HSPA8: variants seen among roughly 807,000 people sequenced by gnomAD.
HSPA8 encodes the protein heat shock cognate 71 kDa protein.
In HSPA8, 2 loss-of-function variants were observed where a neutral mutation model predicts 52.8. The observed-to-expected ratio is 0.04, with a 90% CI of 0.02 to 0.12. The LOEUF (loss-of-function observed/expected upper bound fraction) is 0.12, where lower values mean the gene tolerates loss of function less well. Ranked by LOEUF, HSPA8 falls within the 10% of genes least tolerant of loss-of-function variation. The pLI is 1.00. For synonymous variants in HSPA8, 436 were observed against 274.0 expected, an observed-to-expected ratio of 1.59 and a Z score of -5.84; for missense variants, 349 against 800.5, an observed-to-expected ratio of 0.44 and a Z score of 6.81.
Position 123,060,635 on chromosome 11 carries a change from A to C in HSPA8, c.369T>G (p.Val123=), listed in dbSNP as rs1433837999. 6.2e-7 allele frequency: 1 copy of C among 1,613,830 alleles called. No homozygotes were observed. ...SFYPEEVSSM[V]LTKMKEIAEA... is the part of the protein sequence containing the mutation. ...CTGCAATTTCCTTCATCTTTGTCAG[A>C]ACCATAGAAGACACCTCCTCTGGAT... is the stretch of plus-strand genomic sequence containing the variant. The change falls in exon 3 of 9, where the codon GTT becomes GTG. Residue 123 remains valine (V), a synonymous_variant. Transcript: ENST00000534624.
chr11:123,060,920 G>A (rs1865478954), intron 2 of HSPA8, 122 bp from the exon 3 acceptor site: 8 of 964,610 alleles, frequency 8.3e-6, no homozygotes, highest in South Asian at 1.6e-5. Flanking sequence ...CATATAGGTA[G>A]CAAAGGTTCA....
upstream of HSPA8, chr11:123,062,409 G>A (rs1865542010): frequency 1.3e-5 from 2 of 152,436 alleles, no homozygotes; most frequent in South Asian, 4.1e-4. Flanking sequence ...GAAAGGGAGG[G>A]TGGGGCGCAG....
rs1455304305 is a variant in HSPA8, at chr11:123,058,503, C to A, written c.1523-19G>T. ...AAACGGCCTAGGAAAGAAATTAACTCTAAGTAAAAGCCTTAAATTACCTGT... is the reference window on the plus strand; with the variant it reads ...AAACGGCCTAGGAAAGAAATTAACTATAAGTAAAAGCCTTAAATTACCTGT... On this transcript the variant is annotated intron_variant, in intron 7 of 8. Coordinates refer to ENST00000534624, the MANE Select transcript of HSPA8 (RefSeq NM_006597.6). The A allele has an allele frequency of 2.5e-6, 4 of 1,609,294 alleles. No individual in the cohort carries two copies. The highest frequency in any genetic ancestry group is 3.4e-6 in the Non-Finnish European group (4 of 1,175,904).
Position 123,061,332 on chromosome 11 carries a change from GA to G in HSPA8, c.-5-4del. The G allele has an allele frequency of 6.2e-7, 1 of 1,603,260 alleles. No homozygotes were observed. On this transcript the variant is annotated splice_region_variant and splice_polypyrimidine_tract_variant and intron_variant, in intron 1 of 8. Transcript: ENST00000534624. ...TGCAGGTCCCTTGGACATGGTTGCT[GA>G]AAAAAAGAAAAATCTGGTTTAAAAA...
rs746344123 is a variant in HSPA8 at position 123,060,731 on chromosome 11, G to C, written c.273C>G (p.Pro91=). The C allele has an allele frequency of 1.2e-5, 20 of 1,613,846 alleles. No homozygotes were observed. In the African/African-American group the frequency reaches 1.5e-4, roughly 12 times the overall value. Residue 91 remains proline, a synonymous_variant, in exon 3 of 9, where the codon CCC becomes CCG. Transcript: ENST00000534624. ...AVVQSDMKHW[P]FMVVNDAGRP... The stretch of plus-strand genomic sequence containing the variant: ...TGCCAGCATCATTCACCACCATAAA[G>C]GGCCAATGTTTCATATCAGACTGGA...
chr11:123,060,305 T>C (rs752832257), intron 3 of HSPA8, 37 bp from the exon 4 acceptor site: 33 of 1,584,368 alleles, frequency 2.1e-5, no homozygotes, highest in African/African-American at 2.7e-5. Flanking sequence ...TGGTAACTAT[T>C]ATACTTACAT....
In HSPA8 at chr11:123,061,483, T is replaced by C. The variant is rs1488243590; in HGVS notation, c.-5-154A>G. Reference sequence around the variant, plus strand: ...TCTAAGCACGCGCGAGGTCCAGAACTAGTGCTGCAGTCCAGGTTGCCGTGC... The same window carrying C: ...TCTAAGCACGCGCGAGGTCCAGAACCAGTGCTGCAGTCCAGGTTGCCGTGC... On this transcript the variant is annotated intron_variant, in intron 1 of 8. Coordinates refer to ENST00000534624, the MANE Select transcript of HSPA8 (RefSeq NM_006597.6). The C allele has an allele frequency of 4.7e-6, 3 of 642,944 alleles. No homozygotes were observed. The East Asian group carries it at 8.2e-5, about 18-fold the overall frequency. The allele number at this position is 642,944 out of a possible 1,614,324, so 39.8% of individuals were successfully genotyped here.
chr11:123,059,107 T>C lies in HSPA8; in HGVS notation c.1275A>G (p.Thr425=). 1 of 1,612,356 alleles carries C rather than the reference T, an allele frequency of 6.2e-7. No homozygotes were observed. The highest frequency in any genetic ancestry group is 1.1e-5 in the South Asian group (1 of 91,006). ...TGTCAGAATAGGTAGTGAAGGTCTG[T>C]GTCTGCTTGGTAGGAATGGTGGTAT... The part of the protein sequence containing the change: ...KRNTTIPTKQ[T]QTFTTYSDNQ... The change falls in exon 6 of 9, where the codon ACA becomes ACG. Residue 425 remains threonine (T), a synonymous_variant. Transcript: ENST00000534624.
chr11:123,059,533 A>G lies in HSPA8; in HGVS notation c.1060T>C (p.Phe354Leu). Residue 354 changes from phenylalanine (F) to leucine (L), a missense_variant, in exon 5 of 9, where the codon TTC becomes CTC. Coordinates refer to ENST00000534624, the MANE Select transcript of HSPA8 (RefSeq NM_006597.6). ...CTCTTATTCAGTTCTTTTCCATTGA[A>G]GAAGTCTTGGAGAAGCTTCTGAATC... ...PKIQKLLQDF[F>L]NGKELNKSIN... 6.2e-7 allele frequency: 1 copy of G among 1,614,134 alleles called. No homozygotes were observed. Among genetic ancestry groups the G allele is most frequent in the Admixed American group, 1.7e-5 (1 of 60,008 alleles).
chr11:123,061,891 C>T (rs1865517923), intron 1 of HSPA8, 173 bp downstream of exon 1: 1 of 157,808 alleles, frequency 6.3e-6, no homozygotes, highest in Admixed American at 6.1e-5. Flanking sequence ...CCGGCTGCAA[C>T]CAAATACCGC....
intron 1 of HSPA8, 119 bp from the exon 2 acceptor site, chr11:123,061,448 T>A: frequency 5.3e-6 from 4 of 754,236 alleles, no homozygotes; most frequent in Admixed American, 2.3e-5. Flanking sequence ...ATAGTGCCCA[T>A]CACCTCCTGT....
chr11:123,058,457 C>T lies in HSPA8; in HGVS notation c.1550G>A (p.Arg517His), dbSNP rs771746646. The T allele has an allele frequency of 3.7e-6, 6 of 1,614,100 alleles. No individual in the cohort carries two copies. Among genetic ancestry groups the T allele is most frequent in the Non-Finnish European group, 4.2e-6 (5 of 1,180,016 alleles). Reference protein sequence around the residue: ...KGRLSKEDIERMVQEAEKYKA... With the variant: ...KGRLSKEDIEHMVQEAEKYKA... ...GTACTTCTCAGCTTCCTGGACCATA[C>T]GTTCAATGTCTTCCTTGCTCAAACG... The change falls in exon 8 of 9, where the codon CGT becomes CAT. Residue 517 changes from arginine to histidine, a missense_variant. Transcript: ENST00000534624.
chr11:123,057,965 T>TA lies in HSPA8; in HGVS notation c.1756-47dup, dbSNP rs780219799. ...TTACTGCAAGTTCTTTTAATGTTAA[T>TA]AACCCTTCTTTCTCCCTGACGCAAT... On this transcript the variant is annotated intron_variant, in intron 8 of 8. Transcript: ENST00000534624. 4.2e-6 allele frequency: 6 copies of TA among 1,439,850 alleles called. No homozygotes were observed. In the Admixed American group the frequency reaches 1.2e-4, roughly 30 times the overall value. The allele number at this position is 1,439,850 out of a possible 1,614,324, so 89.2% of individuals were successfully genotyped here.
chr11:123,058,617 A>C lies in HSPA8; in HGVS notation c.1522+15T>G. On this transcript the variant is annotated intron_variant, in intron 7 of 8. Transcript: ENST00000534624. ...CCATTATCCCTGTCAAGACCAGATG[A>C]CAGTGCCTCCTTACCCTTGTCATTA... 6.2e-7 allele frequency: 1 copy of C among 1,607,212 alleles called. No individual in the cohort carries two copies. The highest frequency in any genetic ancestry group is 8.5e-7 in the Non-Finnish European group (1 of 1,174,166).
At position 123,057,572 on chromosome 11, in the gene HSPA8, T is replaced by A; in HGVS notation, c.*162A>T. 2 of 563,894 alleles carry A rather than the reference T, an allele frequency of 3.5e-6. No individual in the cohort carries two copies. The highest frequency in any genetic ancestry group is 6.2e-6 in the Non-Finnish European group (2 of 320,540). The allele number at this position is 563,894 out of a possible 1,614,324, so 34.9% of individuals were successfully genotyped here. ...ACAGTGTTTATAAAGTGCAATGTTATTTCCTTCCCCTGTGCATATGTTCCA... is the reference window on the plus strand; with the variant it reads ...ACAGTGTTTATAAAGTGCAATGTTAATTCCTTCCCCTGTGCATATGTTCCA... On this transcript the variant is annotated 3_prime_UTR_variant, in exon 9 of 9. Transcript: ENST00000534624.
chr11:123,061,079 C>T, intron 2 of HSPA8, 41 bp downstream of exon 2: 2 of 1,544,884 alleles, frequency 1.3e-6, no homozygotes, highest in Non-Finnish European at 1.8e-6. Flanking sequence ...TGCTTCCTAG[C>T]CCTGTTATAT....
At position 123,058,135 on chromosome 11, in the gene HSPA8, A is replaced by G. The variant is rs942294673; in HGVS notation, c.1755+117T>C. ...ACCTTGAATTCTGGTGGAAACCGCG[A>G]ATGTTTTGGACCATTCATCATTGTG... On this transcript the variant is annotated intron_variant, in intron 8 of 8. Coordinates refer to ENST00000534624, the MANE Select transcript of HSPA8 (RefSeq NM_006597.6). 9 of 774,396 alleles carry G rather than the reference A, an allele frequency of 1.2e-5. No homozygotes were observed. In the South Asian group the frequency reaches 1.6e-4, roughly 14 times the overall value. The allele number at this position is 774,396 out of a possible 1,614,324, so 48.0% of individuals were successfully genotyped here.
At chr11:123,061,010 C>G in intron 2 of HSPA8, 110 bp downstream of exon 2, 1 of 989,804 alleles carries the variant, frequency 1.0e-6, no homozygotes, top group South Asian at 1.5e-5. Flanking sequence ...GATAACAAGT[C>G]TCTCAGCTCA....
In HSPA8 at chr11:123,061,022, T is replaced by A. The variant is rs893047876; in HGVS notation, c.205+98A>T. ...CTTGATAACAAGTCTCTCAGCTCAG[T>A]TTTTCTAAAATCAAAAAGTTCCCTC... is the stretch of plus-strand genomic sequence containing the variant. On this transcript the variant is annotated intron_variant, in intron 2 of 8. Transcript: ENST00000534624. The A allele has an allele frequency of 6.3e-6, 7 of 1,104,558 alleles. No individual in the cohort carries two copies. In the Admixed American group the frequency reaches 1.5e-4, roughly 23 times the overall value. The allele number at this position is 1,104,558 out of a possible 1,614,324, so 68.4% of individuals were successfully genotyped here. A position where few individuals can be genotyped will look rare whatever the true frequency, so the allele number is the denominator to read the frequency against.
Sources: allele counts gnomAD v4.1 joint callset, GRCh38; gene constraint gnomAD v4.1.1; transcripts MANE v1.5; gene names NCBI Gene and HGNC (gene_info 2026-07-23, HGNC 2026-07-21).